The following DTHD1 variants were observed in gnomAD, a reference collection of about 807,000 sequenced individuals.
The protein encoded by DTHD1 is death domain containing 1.
In DTHD1, 59 loss-of-function variants were observed where a neutral mutation model predicts 74.8. That is an observed-to-expected ratio of 0.79 (90% CI 0.64 to 0.98). The LOEUF is 0.98. Ranked by LOEUF, DTHD1 falls within the 50% of genes least tolerant of loss-of-function variation. The probability of loss-of-function intolerance (pLI) is 0.00; values close to 1 mark genes in which losing one functional copy is unlikely to be tolerated. For synonymous variants in DTHD1, 365 were observed against 371.1 expected, an observed-to-expected ratio of 0.98 and a Z score of 0.19; for missense variants, 1,051 against 1,065.4, an observed-to-expected ratio of 0.99 and a Z score of 0.19.
At chr4:36,296,222 G>A (rs1000735378) in intron 5 of DTHD1, among the ~76,000 whole-genome samples, 5 of 152,074 alleles carry the variant, frequency 3.3e-5, no homozygotes, top group African/African-American at 1.2e-4. Context: ...CAAGATTGGG[G>A]AATCAGGGTT....
chr4:36,319,734 A>T (rs995308881), intron 8 of DTHD1, among the ~76,000 whole-genome samples: 2 of 152,238 alleles, frequency 1.3e-5, no homozygotes, highest in African/African-American at 2.4e-5. Context: ...GACTTTATAA[A>T]AGTAGCCAAA....
intron 2 of DTHD1, among the ~76,000 whole-genome samples, chr4:36,289,792 T>G (rs949012053): frequency 2.6e-5 from 4 of 152,076 alleles, no homozygotes; most frequent in African/African-American, 9.7e-5. Flanking sequence ...TTGGATTGAT[T>G]TTTTTGGGGA....
intron 5 of DTHD1, among the ~76,000 whole-genome samples, chr4:36,304,803 G>T (rs148968674): frequency 2.6e-5 from 4 of 152,164 alleles, no homozygotes; most frequent in Non-Finnish European, 5.9e-5. Context: ...GGACTATGTG[G>T]ATCCTCTCCT....
chr4:36,333,442 T>C (rs1482835509), intron 8 of DTHD1: 2 of 152,168 alleles, frequency 1.3e-5, no homozygotes, highest in Admixed American at 6.6e-5. Flanking sequence ...TCATGTGACA[T>C]GAGGGGTAGG....
rs576420867 is a variant in DTHD1, at chr4:36,343,472, A to G, written c.2399-30A>G. ...CATGCATCCCCCAGGAGAGGGTCCT[A>G]ACCGTGAGTGTTCCTCCTGTGCCTG... On this transcript the variant is annotated intron_variant, in intron 9 of 9. Coordinates refer to ENST00000639862, the MANE Select transcript of DTHD1 (RefSeq NM_001170700.3). 1.9e-6 allele frequency: 3 copies of G among 1,540,186 alleles called. No individual in the cohort carries two copies. The East Asian group carries it at 7.4e-5, about 38-fold the overall frequency.
Position 36,336,228 on chromosome 4 carries a change from G to A in DTHD1, c.2341-2884G>A, listed in dbSNP as rs73121613. On this transcript the variant is annotated intron_variant, in intron 8 of 9. Coordinates refer to ENST00000639862, the MANE Select transcript of DTHD1 (RefSeq NM_001170700.3). ...TCCAGAGCAGTGACATGTTGCAAGT[G>A]GCATATAAGATATCATAGGTGGCAA... Among the ~76,000 whole-genome samples, 453 of 152,134 alleles carry A rather than the reference G, an allele frequency of 3.0e-3. 3 individuals are homozygous for A. Among genetic ancestry groups the A allele is most frequent in the African/African-American group, 0.01 (427 of 41,494 alleles).
rs181892217 is a variant in DTHD1 at position 36,343,723 on chromosome 4, C to T, written c.2620C>T (p.Arg874Cys). The change falls in exon 10 of 10, where the codon CGC (arginine) becomes TGC (cysteine). Residue 874 changes from arginine to cysteine, a missense_variant. Arg to Cys is a radical substitution (Grantham distance 180). Transcript: ENST00000639862. ...ACTTCGCCTCCTGGCTCGACATCTCCGCAAGATTGGCAGGAGTGATCTTGC... is the reference window on the plus strand; with the variant it reads ...ACTTCGCCTCCTGGCTCGACATCTCTGCAAGATTGGCAGGAGTGATCTTGC... Reference protein sequence around the residue: ...DKLRLLARHLRKIGRSDLAEE... With the variant: ...DKLRLLARHLCKIGRSDLAEE... The T allele has an allele frequency of 1.1e-4, 168 of 1,551,574 alleles. No homozygotes were observed. The Middle Eastern group carries it at 1.2e-3, about 11-fold the overall frequency.
At position 36,346,655 on chromosome 4, in the gene DTHD1, T is replaced by C. The variant is rs929667314; in HGVS notation, c.*2831T>C. On this transcript the variant is annotated 3_prime_UTR_variant, in exon 10 of 10. Coordinates refer to ENST00000639862, the MANE Select transcript of DTHD1 (RefSeq NM_001170700.3). Reference sequence around the variant, plus strand: ...CATTTCTCTGTCTGGTGAGCCAACCTGTATGGACCACATCAGAGATGCCTT... The same window carrying C: ...CATTTCTCTGTCTGGTGAGCCAACCCGTATGGACCACATCAGAGATGCCTT... Among the ~76,000 whole-genome samples the C allele has an allele frequency of 2.0e-5, 3 of 151,954 alleles. No homozygotes were observed. The highest frequency in any genetic ancestry group is 7.2e-5 in the African/African-American group (3 of 41,382).
At chr4:36,285,644 G>GAAA (rs10645677) in intron 2 of DTHD1, among the ~76,000 whole-genome samples, 99 of 150,386 alleles carry the variant, frequency 6.6e-4, no homozygotes, top group South Asian at 2.9e-3. Context: ...GCTTAGAAGT[G>GAAA]AAAAAAAAAA....
chr4:36,321,246 TCTG>T (rs1758020578), intron 8 of DTHD1, among the ~76,000 whole-genome samples: 1 of 152,198 alleles, frequency 6.6e-6, no homozygotes, highest in African/African-American at 2.4e-5. Context: ...GTCCCCAGTC[TCTG>T]GGCCATGAAA....
intron 8 of DTHD1, among the ~76,000 whole-genome samples, chr4:36,332,170 C>T (rs376833725): frequency 7.4e-5 from 11 of 148,024 alleles, no homozygotes; most frequent in African/African-American, 1.5e-4. Flanking sequence ...TGGCTACAAA[C>T]GCAAGACACT....
At chr4:36,342,428 G>A (rs913132153) in intron 9 of DTHD1, among the ~76,000 whole-genome samples, 1 of 152,154 alleles carries the variant, frequency 6.6e-6, no homozygotes, top group Non-Finnish European at 1.5e-5. Context: ...GAGCATGAAA[G>A]TGGGAGAAAG....
intron 8 of DTHD1, among the ~76,000 whole-genome samples, chr4:36,329,774 T>C (rs1758563835): frequency 6.6e-6 from 1 of 152,220 alleles, no homozygotes; most frequent in Non-Finnish European, 1.5e-5. Flanking sequence ...AGAACTCAGG[T>C]TGTTGTTAAC....
At chr4:36,302,898 A>G (rs1442656121) in intron 5 of DTHD1, among the ~76,000 whole-genome samples, 1 of 152,260 alleles carries the variant, frequency 6.6e-6, no homozygotes, top group Non-Finnish European at 1.5e-5. Context: ...TCATGTTTAA[A>G]TATCTACGCA....
intron 5 of DTHD1, among the ~76,000 whole-genome samples, chr4:36,299,544 A>C (rs1756637231): frequency 6.6e-6 from 1 of 152,228 alleles, no homozygotes; most frequent in African/African-American, 2.4e-5. Context: ...TTCCTGAATA[A>C]GTGGATGTAT....
At chr4:36,340,613 G>A (rs187197497) in intron 9 of DTHD1, among the ~76,000 whole-genome samples, 1 of 152,314 alleles carries the variant, frequency 6.6e-6, no homozygotes, top group East Asian at 1.9e-4. Flanking sequence ...GACCATCATT[G>A]ATTATTCTGA....
At chr4:36,336,123 C>T (rs1758997363) in intron 8 of DTHD1, among the ~76,000 whole-genome samples, 1 of 152,208 alleles carries the variant, frequency 6.6e-6, no homozygotes, top group African/African-American at 2.4e-5. Flanking sequence ...CCCCACTATG[C>T]CCATTTAAAT....
intron 8 of DTHD1, among the ~76,000 whole-genome samples, chr4:36,326,805 T>G (rs951657255): frequency 6.6e-6 from 1 of 152,232 alleles, no homozygotes; most frequent in Admixed American, 6.5e-5. Flanking sequence ...AAGGAATGAC[T>G]AATAGGATTT....
intron 9 of DTHD1, 47 bp from the exon 10 acceptor site, chr4:36,343,455 C>T (rs1343275871): frequency 1.3e-6 from 2 of 1,506,164 alleles, no homozygotes; most frequent in Non-Finnish European, 1.8e-6. Context: ...CCCATGCATC[C>T]CCCAGGAGAG....
Sources: gnomAD v4.1 joint callset for allele counts (sites outside exome capture counted in the v4.1 genomes callset) on GRCh38, gnomAD v4.1.1 for gene constraint, MANE v1.5 for transcripts, NCBI Gene and HGNC (gene_info 2026-07-23, HGNC 2026-07-21) for gene names.